Variants in PCMTD1 observed in about 807,000 individuals in gnomAD.
PCMTD1 encodes the protein protein-L-isoaspartate (D-aspartate) O-methyltransferase domain containing 1.
In PCMTD1, 12 loss-of-function variants were observed where a neutral mutation model predicts 37.6. The ratio of observed to expected loss-of-function variants is 0.32; its 90% CI spans 0.20 to 0.52. The LOEUF is 0.52. PCMTD1 is among the 20% of genes least tolerant of loss of function. The pLI is 0.97. For synonymous variants in PCMTD1, 117 were observed against 135.8 expected, an observed-to-expected ratio of 0.86 and a Z score of 0.96; for missense variants, 235 against 421.3, an observed-to-expected ratio of 0.56 and a Z score of 3.87.
chr8:51,872,258 G>A (rs1479321032), intron 1 of PCMTD1, among the ~76,000 whole-genome samples: 1 of 151,868 alleles, frequency 6.6e-6, no homozygotes, highest in African/African-American at 2.4e-5. Context: ...ATTACCACAC[G>A]TATCTCCCTA....
chr8:51,870,826 T>C (rs907023638), intron 1 of PCMTD1, among the ~76,000 whole-genome samples: 2 of 152,210 alleles, frequency 1.3e-5, no homozygotes, highest in African/African-American at 4.8e-5. Context: ...CTCCCATTTT[T>C]TCTTTTTCCT....
At chr8:51,879,869 A>C (rs1029723970) in intron 1 of PCMTD1, among the ~76,000 whole-genome samples, 2 of 152,202 alleles carry the variant, frequency 1.3e-5, no homozygotes, top group African/African-American at 2.4e-5. Flanking sequence ...TTTACAAAGA[A>C]ACATTTTTAA....
At chr8:51,849,907 C>T (rs1367259012) in intron 2 of PCMTD1, 4 of 609,972 alleles carry the variant, frequency 6.6e-6, no homozygotes. Flanking sequence ...TGAGGCAGAC[C>T]AAGGAAACCT....
chr8:51,897,706 C>CT (rs34961752), intron 1 of PCMTD1, among the ~76,000 whole-genome samples: 2 of 152,082 alleles, frequency 1.3e-5, no homozygotes, highest in Non-Finnish European at 2.9e-5. Context: ...GCTTGTAGCC[C>CT]TTTTCAAAGC....
intron 1 of PCMTD1, among the ~76,000 whole-genome samples, chr8:51,876,470 G>A (rs1258322230): frequency 6.6e-6 from 1 of 152,088 alleles, no homozygotes; most frequent in African/African-American, 2.4e-5. Context: ...AGAATACACA[G>A]GCAGATGTAA....
intron 3 of PCMTD1, among the ~76,000 whole-genome samples, chr8:51,838,262 G>C (rs902915097): frequency 6.6e-6 from 1 of 152,090 alleles, no homozygotes; most frequent in Admixed American, 6.5e-5. Flanking sequence ...CAAGGCAGGA[G>C]GATCACTTGA....
chr8:51,889,189 A>G (rs1266069963), intron 1 of PCMTD1, among the ~76,000 whole-genome samples: 2 of 152,136 alleles, frequency 1.3e-5, no homozygotes, highest in East Asian at 1.9e-4. Context: ...CTTAAAACGG[A>G]TATTGCTTCT....
At chr8:51,850,653 A>G (rs2038291454) in intron 2 of PCMTD1, among the ~76,000 whole-genome samples, 1 of 152,214 alleles carries the variant, frequency 6.6e-6, no homozygotes, top group African/African-American at 2.4e-5. Context: ...AACAGCTACC[A>G]ATAAAAGTAT....
At chr8:51,821,349 G>C (rs1044468597) in intron 5 of PCMTD1, among the ~76,000 whole-genome samples, 1 of 152,112 alleles carries the variant, frequency 6.6e-6, no homozygotes, top group Non-Finnish European at 1.5e-5. Context: ...ATATTGCCTA[G>C]GCAGGTCTCT....
intron 2 of PCMTD1, among the ~76,000 whole-genome samples, chr8:51,847,634 G>GA (rs900014775): frequency 3.6e-4 from 53 of 148,370 alleles, no homozygotes; most frequent in African/African-American, 8.4e-4. Flanking sequence ...CTCAAAAAAA[G>GA]AAAAAAAAAT....
chr8:51,828,527 G>T (rs1291335464), intron 5 of PCMTD1, among the ~76,000 whole-genome samples: 1 of 152,140 alleles, frequency 6.6e-6, no homozygotes, highest in Non-Finnish European at 1.5e-5. Context: ...AAGCTGAGGA[G>T]CTCCTTATGT....
intron 5 of PCMTD1, among the ~76,000 whole-genome samples, chr8:51,829,208 T>C (rs1748538423): frequency 6.6e-6 from 1 of 152,158 alleles, no homozygotes; most frequent in African/African-American, 2.4e-5. Flanking sequence ...ACAAATCTCC[T>C]TTGATGGTGG....
chr8:51,840,036 TA>T (rs1337550036), intron 3 of PCMTD1, among the ~76,000 whole-genome samples: 2 of 152,194 alleles, frequency 1.3e-5, no homozygotes, highest in Non-Finnish European at 2.9e-5. Flanking sequence ...TTAAGCTATT[TA>T]ATTACAATTT....
At chr8:51,899,039 A>C (rs1033561476), upstream of PCMTD1, 29 of 1,509,044 alleles carry the variant, frequency 1.9e-5, no homozygotes, top group Non-Finnish European at 2.4e-5. Context: ...CGCCGAGTGG[A>C]GAGGCGGGGC....
At chr8:51,876,950 C>G (rs574862192) in intron 1 of PCMTD1, among the ~76,000 whole-genome samples, 1 of 152,096 alleles carries the variant, frequency 6.6e-6, no homozygotes, top group Non-Finnish European at 1.5e-5. Flanking sequence ...TCTGCGTAAT[C>G]TCAAAGTATC....
chr8:51,846,808 T>C (rs534808162), intron 2 of PCMTD1, among the ~76,000 whole-genome samples: 1 of 152,324 alleles, frequency 6.6e-6, no homozygotes, highest in African/African-American at 2.4e-5. Flanking sequence ...GTTTGCCATC[T>C]AGGAAATATC....
At chr8:51,892,708 GTT>G (rs937603836) in intron 1 of PCMTD1, among the ~76,000 whole-genome samples, 1 of 151,030 alleles carries the variant, frequency 6.6e-6, no homozygotes, top group Non-Finnish European at 1.5e-5. Flanking sequence ...GGCTGAAATT[GTT>G]TTTTTAAGAA....
intron 1 of PCMTD1, among the ~76,000 whole-genome samples, chr8:51,867,476 GGTGTGTGTGTGTGTGTGTGTGT>G (rs59206546): frequency 0.12 from 17,463 of 141,568 alleles, 1,252 homozygotes; most frequent in East Asian, 0.18. Context: ...TAAAGAAAAT[GGTGTGTGTGTGTGTGTGTGTGT>G]GTGTGTGTGT....
At chr8:51,824,032 C>T (rs889977663) in intron 5 of PCMTD1, among the ~76,000 whole-genome samples, 7 of 152,046 alleles carry the variant, frequency 4.6e-5, no homozygotes, top group Admixed American at 1.3e-4. Context: ...AACTAGGTAT[C>T]GATGGAACGT....
Sources: allele counts gnomAD v4.1 joint callset (sites outside exome capture counted in the v4.1 genomes callset), GRCh38; gene constraint gnomAD v4.1.1; transcripts MANE v1.5; gene names NCBI Gene and HGNC (gene_info 2026-07-23, HGNC 2026-07-21).